Variants in UTP23 observed in about 807,000 individuals in gnomAD.
UTP23 encodes rRNA-processing protein UTP23 homolog.
Under a neutral mutation model 19.8 loss-of-function variants are expected in UTP23, and 10 were observed. The observed-to-expected ratio is 0.50, with a 90% CI of 0.31 to 0.86. The LOEUF (loss-of-function observed/expected upper bound fraction) is 0.86. Among genes scored for constraint, UTP23 ranks in the 40% least tolerant of loss-of-function variants. The pLI is 0.05. For missense variants in UTP23, 282 were observed against 293.1 expected (o/e 0.96, Z 0.28); for synonymous variants, 108 against 105.4 (o/e 1.02, Z -0.15).
chr8:116,771,491 T>C lies in UTP23; in HGVS notation c.399T>C (p.Pro133=). ...QNLSVKVKKK[P]GVPLMFIIQN... is the part of the protein sequence containing the mutation. ...TGTCTGTGAAAGTAAAAAAGAAGCCTGGAGTTCCTCTCATGTTTATTATTC... is the reference window on the plus strand; with the variant it reads ...TGTCTGTGAAAGTAAAAAAGAAGCCCGGAGTTCCTCTCATGTTTATTATTC... The change falls in exon 3 of 3, where the codon CCT becomes CCC. Residue 133 remains proline (P), a synonymous_variant. Coordinates refer to ENST00000309822, the MANE Select transcript of UTP23 (RefSeq NM_032334.3). 1 of 1,519,224 alleles carries C rather than the reference T, an allele frequency of 6.6e-7. No individual in the cohort carries two copies. 94.1% of individuals were successfully genotyped at this position (1,519,224 alleles called of 1,614,324 possible).
At chr8:116,768,202 C>G (rs1421060102) in intron 1 of UTP23, among the ~76,000 whole-genome samples, 3 of 152,140 alleles carry the variant, frequency 2.0e-5, no homozygotes, top group African/African-American at 7.2e-5. Flanking sequence ...ACAGATACCC[C>G]CAAAGTTTTG....
chr8:116,772,186 A>G lies in UTP23; in HGVS notation c.*344A>G. On this transcript the variant is annotated 3_prime_UTR_variant, in exon 3 of 3. Transcript: ENST00000309822. ...AACAGAGTGAGAACATGTCTCAAAA[A>G]AAAAATAAAAACAGTGAATGGGTGT... The G allele has an allele frequency of 1.0e-6, 1 of 1,001,944 alleles. No individual in the cohort carries two copies. 62.1% of individuals were successfully genotyped at this position (1,001,944 alleles called of 1,614,324 possible). A position where few individuals can be genotyped will look rare whatever the true frequency, so the allele number is the denominator to read the frequency against.
chr8:116,773,468 T>C lies in UTP23; in HGVS notation c.*1626T>C. The C allele has an allele frequency of 1.0e-6, 1 of 983,946 alleles. No homozygotes were observed. The highest frequency in any genetic ancestry group is 1.2e-6 in the Non-Finnish European group (1 of 828,572). 61.0% of individuals were successfully genotyped at this position (983,946 alleles called of 1,614,324 possible). On this transcript the variant is annotated 3_prime_UTR_variant, in exon 3 of 3. Coordinates refer to ENST00000309822, the MANE Select transcript of UTP23 (RefSeq NM_032334.3). ...CTGGAGAGCTGGAAAAATCCACTTTTTTATGAAGCAGTAATTATAGAAGTA... is the reference window on the plus strand; with the variant it reads ...CTGGAGAGCTGGAAAAATCCACTTTCTTATGAAGCAGTAATTATAGAAGTA...
chr8:116,767,502 A>G (rs1815600404), intron 1 of UTP23, among the ~76,000 whole-genome samples: 1 of 152,198 alleles, frequency 6.6e-6, no homozygotes, highest in African/African-American at 2.4e-5. Flanking sequence ...AAATGTGGGA[A>G]CACTTAGGAT....
At chr8:116,769,189 A>G (rs1488818566) in intron 1 of UTP23, among the ~76,000 whole-genome samples, 2 of 152,228 alleles carry the variant, frequency 1.3e-5, no homozygotes, top group Non-Finnish European at 2.9e-5. Context: ...AGATAACTGC[A>G]GTGATGTGAA....
chr8:116,770,389 A>G (rs1299701453), intron 2 of UTP23, 23 bp downstream of exon 2: 2 of 1,574,804 alleles, frequency 1.3e-6, no homozygotes, highest in Non-Finnish European at 1.7e-6. Context: ...TTAAAACCAC[A>G]GGCAATTTTC....
chr8:116,773,263 A>T lies in UTP23; in HGVS notation c.*1421A>T, dbSNP rs1586507376. ...TGAATAGTGTAGGTTTTGTGAGGAA[A>T]GTTAACATTTGTCAATGACAAGCAT... On this transcript the variant is annotated 3_prime_UTR_variant, in exon 3 of 3. Coordinates refer to ENST00000309822, the MANE Select transcript of UTP23 (RefSeq NM_032334.3). The T allele has an allele frequency of 1.0e-6, 1 of 985,308 alleles. No homozygotes were observed. The allele number at this position is 985,308 out of a possible 1,614,324, so 61.0% of individuals were successfully genotyped here.
chr8:116,766,844 A>G, intron 1 of UTP23, 53 bp downstream of exon 1: 1 of 1,441,192 alleles, frequency 6.9e-7, no homozygotes, highest in Non-Finnish European at 9.2e-7. Context: ...GGTGTTGTAG[A>G]GGCGAGGCCG....
At position 116,774,137 on chromosome 8, in the gene UTP23, T is replaced by C. The variant is rs1815694268; in HGVS notation, c.*2295T>C. The stretch of plus-strand genomic sequence containing the variant: ...GGGATAAAAGTGTAATACATGCACT[T>C]TTGAACTCTGAAAGTTTGCCAATCT... On this transcript the variant is annotated 3_prime_UTR_variant, in exon 3 of 3. Transcript: ENST00000309822. 1 of 985,270 alleles carries C rather than the reference T, an allele frequency of 1.0e-6. No homozygotes were observed. The highest frequency in any genetic ancestry group is 6.2e-5 in the Admixed American group (1 of 16,258). 61.0% of individuals were successfully genotyped at this position (985,270 alleles called of 1,614,324 possible).
At chr8:116,770,467 T>A (rs948061046) in intron 2 of UTP23, 101 bp downstream of exon 2, 104 of 1,154,612 alleles carry the variant, frequency 9.0e-5, no homozygotes, top group Non-Finnish European at 1.2e-4. Context: ...ATTAGACTTT[T>A]AAAAATACAG....
Position 116,768,735 on chromosome 8 carries a change from G to A in UTP23, c.189-1457G>A, listed in dbSNP as rs538098449. Among the ~76,000 whole-genome samples, 10 of 152,300 alleles carry A rather than the reference G, an allele frequency of 6.6e-5. No homozygotes were observed. In the East Asian group the frequency reaches 1.9e-3, roughly 29 times the overall value. Reference sequence around the variant, plus strand: ...GCTGGAGTGCAGTGGTGCGATCATGGCTCACTGCAGCCTCCGCCTCCCGGG... The same window carrying A: ...GCTGGAGTGCAGTGGTGCGATCATGACTCACTGCAGCCTCCGCCTCCCGGG... On this transcript the variant is annotated intron_variant, in intron 1 of 2. Coordinates refer to ENST00000309822, the MANE Select transcript of UTP23 (RefSeq NM_032334.3).
At chr8:116,766,861 A>G in intron 1 of UTP23, 70 bp downstream of exon 1, 1 of 1,389,184 alleles carries the variant, frequency 7.2e-7, no homozygotes, top group Non-Finnish European at 9.5e-7. Context: ...GCCGTTGCTC[A>G]CAGACCTTCA....
rs1300269001 is a variant in UTP23, at chr8:116,772,794, A to G, written c.*952A>G. The G allele has an allele frequency of 1.0e-6, 1 of 985,460 alleles. No homozygotes were observed. Among genetic ancestry groups the G allele is most frequent in the Non-Finnish European group, 1.2e-6 (1 of 829,922 alleles). The allele number at this position is 985,460 out of a possible 1,614,324, so 61.0% of individuals were successfully genotyped here. A position where few individuals can be genotyped will look rare whatever the true frequency, so the allele number is the denominator to read the frequency against. ...GGTCAATTCAGTTAGGAATTGAATA[A>G]TGAAACGTGTCTCTCTGAATTCCCC... On this transcript the variant is annotated 3_prime_UTR_variant, in exon 3 of 3. Coordinates refer to ENST00000309822, the MANE Select transcript of UTP23 (RefSeq NM_032334.3).
chr8:116,773,207 T>C lies in UTP23; in HGVS notation c.*1365T>C. 1.0e-6 allele frequency: 1 copy of C among 985,382 alleles called. No homozygotes were observed. The highest frequency in any genetic ancestry group is 4.7e-5 in the South Asian group (1 of 21,284). 61.0% of individuals were successfully genotyped at this position (985,382 alleles called of 1,614,324 possible). A position where few individuals can be genotyped will look rare whatever the true frequency, so the allele number is the denominator to read the frequency against. Reference sequence around the variant, plus strand: ...AAATTCTTGATGGTAGAAACATTTTTAATAAGGAAGGTAAAAATACTGGAA... The same window carrying C: ...AAATTCTTGATGGTAGAAACATTTTCAATAAGGAAGGTAAAAATACTGGAA... On this transcript the variant is annotated 3_prime_UTR_variant, in exon 3 of 3. Transcript: ENST00000309822.
intron 1 of UTP23, 99 bp downstream of exon 1, chr8:116,766,890 C>T: frequency 8.4e-7 from 1 of 1,197,352 alleles, no homozygotes; most frequent in South Asian, 1.6e-5. Flanking sequence ...TCAGGAGGTG[C>T]AAAACGCCCC....
Position 116,774,362 on chromosome 8 carries a change from T to C in UTP23, c.*2520T>C. On this transcript the variant is annotated 3_prime_UTR_variant, in exon 3 of 3. Coordinates refer to ENST00000309822, the MANE Select transcript of UTP23 (RefSeq NM_032334.3). ...GAGTTTCAAAGGTAAAAGGATCTCA[T>C]GTTTCTGAATCTGCGTAAAGCAAGA... is the stretch of plus-strand genomic sequence containing the variant. 1.0e-6 allele frequency: 1 copy of C among 985,282 alleles called. No homozygotes were observed. The highest frequency in any genetic ancestry group is 1.2e-6 in the Non-Finnish European group (1 of 829,898). 61.0% of individuals were successfully genotyped at this position (985,282 alleles called of 1,614,324 possible).
At position 116,774,445 on chromosome 8, in the gene UTP23, G is replaced by A; in HGVS notation, c.*2603G>A. 2 of 979,964 alleles carry A rather than the reference G, an allele frequency of 2.0e-6. No individual in the cohort carries two copies. Among genetic ancestry groups the A allele is most frequent in the Non-Finnish European group, 2.4e-6 (2 of 825,198 alleles). The allele number at this position is 979,964 out of a possible 1,614,324, so 60.7% of individuals were successfully genotyped here. A position where few individuals can be genotyped will look rare whatever the true frequency, so the allele number is the denominator to read the frequency against. On this transcript the variant is annotated 3_prime_UTR_variant, in exon 3 of 3. Transcript: ENST00000309822. Reference sequence around the variant, plus strand: ...TTTTATAGGTGGATAGAAATGAATAGTTTGGAGTCTTTAAAATGTTTTAAA... The same window carrying A: ...TTTTATAGGTGGATAGAAATGAATAATTTGGAGTCTTTAAAATGTTTTAAA...
intron 1 of UTP23, among the ~76,000 whole-genome samples, chr8:116,768,223 T>C (rs760598489): frequency 6.6e-6 from 1 of 152,200 alleles, no homozygotes; most frequent in Non-Finnish European, 1.5e-5. Flanking sequence ...ATCCCCTTAG[T>C]CTTTAGGGCT....
At position 116,774,138 on chromosome 8, in the gene UTP23, T is replaced by C. The variant is rs968666669; in HGVS notation, c.*2296T>C. 2 of 985,280 alleles carry C rather than the reference T, an allele frequency of 2.0e-6. No homozygotes were observed. Among genetic ancestry groups the C allele is most frequent in the African/African-American group, 3.5e-5 (2 of 57,230 alleles). The allele number at this position is 985,280 out of a possible 1,614,324, so 61.0% of individuals were successfully genotyped here. On this transcript the variant is annotated 3_prime_UTR_variant, in exon 3 of 3. Coordinates refer to ENST00000309822, the MANE Select transcript of UTP23 (RefSeq NM_032334.3). Reference sequence around the variant, plus strand: ...GGATAAAAGTGTAATACATGCACTTTTGAACTCTGAAAGTTTGCCAATCTG... The same window carrying C: ...GGATAAAAGTGTAATACATGCACTTCTGAACTCTGAAAGTTTGCCAATCTG...
Sources: gnomAD v4.1 joint callset for allele counts (sites outside exome capture counted in the v4.1 genomes callset) on GRCh38, gnomAD v4.1.1 for gene constraint, MANE v1.5 for transcripts, NCBI Gene and HGNC (gene_info 2026-07-23, HGNC 2026-07-21) for gene names.